The following TG variants were observed in gnomAD, a reference collection of about 807,000 sequenced individuals.
The protein encoded by TG is thyroid hormones.
A neutral mutation model predicts 324.7 loss-of-function variants in TG; 270 were observed. That is an observed-to-expected ratio of 0.83 (90% confidence interval 0.75 to 0.92). The LOEUF is 0.92. Among genes scored for constraint, TG ranks in the 40% least tolerant of loss-of-function variants. The probability of loss-of-function intolerance (pLI) is 0.00; values close to 1 mark genes in which losing one functional copy is unlikely to be tolerated. For synonymous variants in TG, 1,401 were observed against 1,327.0 expected (o/e 1.06, Z -1.21); for missense variants, 3,591 against 3,456.4 (o/e 1.04, Z -0.98).
intron 41 of TG, among the ~76,000 whole-genome samples, chr8:133,040,593 C>T (rs930738056): frequency 5.3e-5 from 8 of 152,104 alleles, no homozygotes; most frequent in African/African-American, 1.9e-4. Context: ...AGCGCTGATC[C>T]CCCCAGTTGT....
chr8:132,915,703 C>T (rs1015999143), intron 20 of TG, among the ~76,000 whole-genome samples: 3 of 152,224 alleles, frequency 2.0e-5, no homozygotes, highest in Non-Finnish European at 2.9e-5. Context: ...TGGGGAGAAA[C>T]ATATGGCTGT....
intron 19 of TG, among the ~76,000 whole-genome samples, chr8:132,912,134 T>C (rs1019484484): frequency 1.3e-5 from 2 of 152,224 alleles, no homozygotes; most frequent in African/African-American, 4.8e-5. Context: ...GTTTGCCCTC[T>C]GTTCTATGAG....
chr8:132,989,901 A>T lies in TG; in HGVS notation c.6262+6489A>T, dbSNP rs568414624. Among the ~76,000 whole-genome samples, 4 of 152,274 alleles carry T rather than the reference A, an allele frequency of 2.6e-5. 1 individual carries two copies. In the South Asian group the frequency reaches 6.2e-4, roughly 24 times the overall value. On this transcript the variant is annotated intron_variant, in intron 35 of 47. Transcript: ENST00000220616. Reference sequence around the variant, plus strand: ...CAGCTTCACTGAGTATCTGGGCCAGATTTCACAGCCTCTTGATGCCCCTGC... The same window carrying T: ...CAGCTTCACTGAGTATCTGGGCCAGTTTTCACAGCCTCTTGATGCCCCTGC...
At chr8:133,065,141 A>G (rs1251541758) in intron 41 of TG, among the ~76,000 whole-genome samples, 3 of 152,198 alleles carry the variant, frequency 2.0e-5, no homozygotes, top group Admixed American at 1.3e-4. Context: ...TGTCCACCAT[A>G]TATGTGAATG....
intron 2 of TG, 121 bp from the exon 3 acceptor site, chr8:132,869,608 T>C: frequency 2.3e-6 from 2 of 880,032 alleles, no homozygotes; most frequent in Non-Finnish European, 3.7e-6. Context: ...ACTCTCTCCC[T>C]AATTTAAACG....
Position 133,120,807 on chromosome 8 carries a change from C to A in TG, c.7862+4091C>A, listed in dbSNP as rs1431352575. Among the ~76,000 whole-genome samples, 3 of 152,136 alleles carry A rather than the reference C, an allele frequency of 2.0e-5. No individual in the cohort carries two copies. In the East Asian group the frequency reaches 5.8e-4, roughly 29 times the overall value. On this transcript the variant is annotated intron_variant, in intron 45 of 47. Transcript: ENST00000220616. ...CTTTTTGAGGGAGACACAGTTCAAC[C>A]CATAACACTGCCTTTCTCTAAAATA...
intron 20 of TG, 39 bp downstream of exon 20, chr8:132,913,304 A>G (rs1338120931): frequency 1.2e-6 from 2 of 1,605,600 alleles, no homozygotes; most frequent in Admixed American, 1.7e-5. Context: ...CTGTGGAGCC[A>G]TGTGAGGCTT....
intron 24 of TG, among the ~76,000 whole-genome samples, chr8:132,934,994 G>A (rs911714681): frequency 6.6e-6 from 1 of 151,882 alleles, no homozygotes; most frequent in Non-Finnish European, 1.5e-5. Context: ...CTCCTCTCCC[G>A]TCACTCCCCT....
rs375700391 is a variant in TG, at chr8:133,103,103, C to T, written c.7572+6730C>T. The T allele has an allele frequency of 8.5e-4, 135 of 159,506 alleles. 1 individual carries two copies. Among genetic ancestry groups the T allele is most frequent in the Non-Finnish European group, 6.4e-4 (46 of 72,030 alleles). The allele number at this position is 159,506 out of a possible 1,614,324, so 9.9% of individuals were successfully genotyped here. A position where few individuals can be genotyped will look rare whatever the true frequency, so the allele number is the denominator to read the frequency against. ...GCCTTAAATCCCCAGCACTCAGGGA[C>T]GGGAGGGTGTTAGGGTCTGAACCCA... On this transcript the variant is annotated intron_variant, in intron 43 of 47. Coordinates refer to ENST00000220616, the MANE Select transcript of TG (RefSeq NM_003235.5).
At chr8:132,927,197 A>G (rs1357516833) in intron 22 of TG, among the ~76,000 whole-genome samples, 2 of 152,040 alleles carry the variant, frequency 1.3e-5, no homozygotes, top group Non-Finnish European at 2.9e-5. Flanking sequence ...TCATAATGTT[A>G]TCTCCTGGTT....
chr8:133,023,295 G>A (rs931828212), intron 40 of TG, among the ~76,000 whole-genome samples: 2 of 149,002 alleles, frequency 1.3e-5, no homozygotes, highest in Admixed American at 6.6e-5. Flanking sequence ...ATGAGGATGA[G>A]AAACAGATTT....
Position 132,911,444 on chromosome 8 carries a change from T to A in TG, c.4070T>A (p.Leu1357Gln). Reference protein sequence around the residue: ...CNNSSVQVGCLTRERLGVNVT... With the variant: ...CNNSSVQVGCQTRERLGVNVT... ...AACTCCTCTGTGCAGGTGGGTTGTC[T>A]GACCAGGGAGCGTTTAGGAGTGAAT... The change falls in exon 19 of 48, where the codon CTG becomes CAG. Residue 1357 changes from leucine to glutamine, a missense_variant. Leu to Gln is a moderately radical substitution (Grantham distance 113). Coordinates refer to ENST00000220616, the MANE Select transcript of TG (RefSeq NM_003235.5). 1 of 1,614,248 alleles carries A rather than the reference T, an allele frequency of 6.2e-7. No individual in the cohort carries two copies. The highest frequency in any genetic ancestry group is 1.1e-5 in the South Asian group (1 of 91,088).
At chr8:132,938,471 G>A (rs1823933076) in intron 25 of TG, among the ~76,000 whole-genome samples, 1 of 152,154 alleles carries the variant, frequency 6.6e-6, no homozygotes, top group Non-Finnish European at 1.5e-5. Flanking sequence ...TGACATCAAA[G>A]TGGAACCTCC....
At chr8:132,903,914 G>A (rs1475639563) in intron 16 of TG, among the ~76,000 whole-genome samples, 1 of 152,210 alleles carries the variant, frequency 6.6e-6, no homozygotes, top group East Asian at 1.9e-4. Context: ...TCTGTAAACT[G>A]TTGAGCACTG....
At chr8:133,078,726 C>T (rs1845278990) in intron 41 of TG, among the ~76,000 whole-genome samples, 1 of 152,184 alleles carries the variant, frequency 6.6e-6, no homozygotes, top group South Asian at 2.1e-4. Context: ...AGGCCCAGAA[C>T]AAAACAATGT....
intron 35 of TG, among the ~76,000 whole-genome samples, chr8:133,008,851 G>A (rs955005687): frequency 6.6e-6 from 1 of 152,228 alleles, no homozygotes; most frequent in African/African-American, 2.4e-5. Flanking sequence ...CTAGCAAATA[G>A]TAAACTCTCA....
At chr8:132,982,886 G>A (rs919391586) in intron 34 of TG, among the ~76,000 whole-genome samples, 7 of 152,148 alleles carry the variant, frequency 4.6e-5, no homozygotes, top group Admixed American at 4.6e-4. Context: ...GACGGGGTAG[G>A]ACTGCACCTC....
intron 19 of TG, among the ~76,000 whole-genome samples, chr8:132,912,364 A>C (rs1819656014): frequency 6.6e-6 from 1 of 152,086 alleles, no homozygotes; most frequent in Non-Finnish European, 1.5e-5. Context: ...TGCTTGTTTC[A>C]ATGGTGAGGC....
Position 132,935,826 on chromosome 8 carries a change from G to A in TG, c.5003G>A (p.Ser1668Asn), listed in dbSNP as rs372120245. The A allele has an allele frequency of 9.9e-6, 16 of 1,612,612 alleles. No homozygotes were observed. The highest frequency in any genetic ancestry group is 1.3e-5 in the Non-Finnish European group (15 of 1,180,016). ...CTTCGCTGCCAGGTGAAAGTGAGGA[G>A]CCATGGTCAAGATTCTCCAGCTGTG... Reference protein sequence around the residue: ...GSLRCQVKVRSHGQDSPAVYL... With the variant: ...GSLRCQVKVRNHGQDSPAVYL... Residue 1668 changes from serine to asparagine, a missense_variant, in exon 25 of 48, where the codon AGC becomes AAC. Physicochemically the swap from Ser to Asn is conservative, Grantham distance 46 (BLOSUM62 1). Transcript: ENST00000220616.
Sources: allele counts gnomAD v4.1 joint callset (sites outside exome capture counted in the v4.1 genomes callset), GRCh38; gene constraint gnomAD v4.1.1; transcripts MANE v1.5; gene names NCBI Gene and HGNC (gene_info 2026-07-23, HGNC 2026-07-21).